NAA16: variants seen among roughly 807,000 people sequenced by gnomAD.
NAA16 encodes the protein NARG1-like protein.
NAA16 carries 97 observed loss-of-function variants against 110.3 expected under a neutral mutation model. The ratio of observed to expected loss-of-function variants is 0.88; its 90% CI spans 0.75 to 1.04. The LOEUF (loss-of-function observed/expected upper bound fraction) is 1.04. NAA16 is among the 50% of genes least tolerant of loss of function. The pLI is 0.00. For synonymous variants in NAA16, 372 were observed against 330.6 expected, an observed-to-expected ratio of 1.13 and a Z score of -1.36; for missense variants, 1,017 against 1,005.1, an observed-to-expected ratio of 1.01 and a Z score of -0.16.
chr13:41,328,742 T>C lies in NAA16; in HGVS notation c.710T>C (p.Leu237Ser). ...ATTTCAGGGGAAATACTGTTGAAATTGGGAAGATTAAAAGAAGCCAGTGAA... is the reference window on the plus strand; with the variant it reads ...ATTTCAGGGGAAATACTGTTGAAATCGGGAAGATTAAAAGAAGCCAGTGAA... The part of the protein sequence containing the change: ...EEIKGEILLK[L>S]GRLKEASEVF... The change falls in exon 7 of 20, where the codon TTG becomes TCG. Residue 237 changes from leucine to serine, a missense_variant. By Grantham distance (145) the Leu-to-Ser change is moderately radical. Transcript: ENST00000379406. The C allele has an allele frequency of 6.2e-7, 1 of 1,606,846 alleles. No homozygotes were observed. The highest frequency in any genetic ancestry group is 2.2e-5 in the East Asian group (1 of 44,716).
intron 19 of NAA16, 47 bp downstream of exon 19, chr13:41,374,886 CAA>C: frequency 4.4e-6 from 5 of 1,126,242 alleles, no homozygotes; most frequent in Non-Finnish European, 5.3e-6. Flanking sequence ...AGTGATCTAA[CAA>C]AACGTGTCTT....
intron 8 of NAA16, among the ~76,000 whole-genome samples, chr13:41,333,111 T>G (rs1235704421): frequency 2.0e-5 from 3 of 152,102 alleles, no homozygotes; most frequent in African/African-American, 4.8e-5. Context: ...TCTATAGGAC[T>G]TCTCAGAGCT....
chr13:41,366,154 A>G (rs1182374337), intron 13 of NAA16, among the ~76,000 whole-genome samples: 1 of 152,202 alleles, frequency 6.6e-6, no homozygotes, highest in African/African-American at 2.4e-5. Context: ...CAATTACAAC[A>G]TCATTAAAGC....
rs543509002 is a variant in NAA16 at position 41,353,943 on chromosome 13, A to G, written c.1015-1201A>G. Among the ~76,000 whole-genome samples, 6 of 152,364 alleles carry G rather than the reference A, an allele frequency of 3.9e-5. No individual in the cohort carries two copies. In the South Asian group the frequency reaches 1.2e-3, roughly 32 times the overall value. ...TTAAACAATCTTTGTTTTTTAAAAA[A>G]GAAAACACAAAGAATGTACCCATTT... On this transcript the variant is annotated intron_variant, in intron 9 of 19. Transcript: ENST00000379406.
chr13:41,325,775 G>T lies in NAA16; in HGVS notation c.615G>T (p.Leu205=). The T allele has an allele frequency of 6.2e-7, 1 of 1,606,364 alleles. No individual in the cohort carries two copies. Residue 205 remains leucine (L), a synonymous_variant, in exon 6 of 20, where the codon CTG becomes CTT. Transcript: ENST00000379406. ...YQNQVMREAD[L]LQESLEHIEM... ...ATCAAGTGATGAGAGAGGCAGATCT[G>T]TTGCAGGAATCTTTGGAACATATAG... is the stretch of plus-strand genomic sequence containing the variant.
Position 41,374,844 on chromosome 13 carries a change from GT to G in NAA16, c.2397+13del, listed in dbSNP as rs761494909. 3 of 1,575,544 alleles carry G rather than the reference GT, an allele frequency of 1.9e-6. No homozygotes were observed. Among genetic ancestry groups the G allele is most frequent in the Admixed American group, 1.8e-5 (1 of 56,366 alleles). On this transcript the variant is annotated splice_donor_region_variant and intron_variant, in intron 19 of 19. Coordinates refer to ENST00000379406, the MANE Select transcript of NAA16 (RefSeq NM_024561.5). ...ATAAAAGATAAAGATGTAAAGGTAAGTTTTTTTTCTTTGGCTGATTTATGCT... is the reference window on the plus strand; with the variant it reads ...ATAAAAGATAAAGATGTAAAGGTAAGTTTTTTTCTTTGGCTGATTTATGCT...
At chr13:41,368,693 A>G (rs924667926) in intron 14 of NAA16, among the ~76,000 whole-genome samples, 2 of 152,210 alleles carry the variant, frequency 1.3e-5, no homozygotes, top group Non-Finnish European at 2.9e-5. Context: ...TGTACTGAAC[A>G]TGTCCAGACT....
intron 1 of NAA16, among the ~76,000 whole-genome samples, chr13:41,313,924 A>G (rs963427763): frequency 6.6e-6 from 1 of 151,502 alleles, no homozygotes; most frequent in Non-Finnish European, 1.5e-5. Context: ...TGCAGTGGCA[A>G]GATCTCACTG....
chr13:41,322,916 A>G, intron 4 of NAA16, 140 bp from the exon 5 acceptor site: 1 of 804,362 alleles, frequency 1.2e-6, no homozygotes, highest in Non-Finnish European at 2.0e-6. Flanking sequence ...TAGGAAACAT[A>G]AAAAGTACTT....
At chr13:41,318,463 G>C (rs1016233438) in intron 2 of NAA16, among the ~76,000 whole-genome samples, 1 of 152,062 alleles carries the variant, frequency 6.6e-6, no homozygotes, top group African/African-American at 2.4e-5. Context: ...CAGCCTCCCT[G>C]AGTGCTGGGA....
rs1187153499 is a variant in NAA16, at chr13:41,369,298, ACTAT to A, written c.1947+18_1947+21del. The stretch of plus-strand genomic sequence containing the variant: ...AATTAGAAAGGGTGAGATGGGTTTT[ACTAT>A]CTTTGTTATTTGGTAAAATTTATGC... On this transcript the variant is annotated intron_variant, in intron 15 of 19. Transcript: ENST00000379406. The A allele has an allele frequency of 3.3e-6, 5 of 1,524,570 alleles. No homozygotes were observed. Among genetic ancestry groups the A allele is most frequent in the Non-Finnish European group, 4.4e-6 (5 of 1,144,410 alleles). 94.4% of individuals were successfully genotyped at this position (1,524,570 alleles called of 1,614,324 possible). A position where few individuals can be genotyped will look rare whatever the true frequency, so the allele number is the denominator to read the frequency against.
intron 5 of NAA16, 35 bp downstream of exon 5, chr13:41,323,225 A>G (rs761681078): frequency 3.1e-6 from 5 of 1,604,408 alleles, no homozygotes; most frequent in Non-Finnish European, 4.3e-6. Context: ...ACCTTCATAA[A>G]TGGAGTAGTT....
intron 10 of NAA16, 79 bp downstream of exon 10, chr13:41,355,295 A>T: frequency 1.2e-6 from 1 of 852,846 alleles, no homozygotes; most frequent in Non-Finnish European, 1.9e-6. Context: ...TATGTATATT[A>T]TGTGTGTGCT....
chr13:41,357,006 G>C (rs2043003826), intron 10 of NAA16, among the ~76,000 whole-genome samples: 1 of 152,152 alleles, frequency 6.6e-6, no homozygotes, highest in Non-Finnish European at 1.5e-5. Context: ...TTGTCAGCCT[G>C]TTATACTCAT....
At chr13:41,359,873 T>C (rs1226101066) in intron 12 of NAA16, among the ~76,000 whole-genome samples, 1 of 152,146 alleles carries the variant, frequency 6.6e-6, no homozygotes, top group Non-Finnish European at 1.5e-5. Context: ...GAAGAAAATA[T>C]ATAGGAGTTT....
intron 10 of NAA16, among the ~76,000 whole-genome samples, chr13:41,358,031 A>C (rs1037672554): frequency 6.6e-6 from 1 of 152,072 alleles, no homozygotes; most frequent in Non-Finnish European, 1.5e-5. Flanking sequence ...GAGTTCACAG[A>C]ATTAGTTTGA....
chr13:41,337,183 A>G (rs1200898435), intron 9 of NAA16, among the ~76,000 whole-genome samples: 1 of 152,226 alleles, frequency 6.6e-6, no homozygotes, highest in Non-Finnish European at 1.5e-5. Flanking sequence ...TTTAATCAGT[A>G]GGCTACATTT....
chr13:41,375,414 AAG>A lies in NAA16; in HGVS notation c.2408_2409del (p.Lys803SerfsTer3). The A allele has an allele frequency of 6.2e-7, 1 of 1,610,566 alleles. No homozygotes were observed. Among genetic ancestry groups the A allele is most frequent in the Non-Finnish European group, 8.5e-7 (1 of 1,177,798 alleles). On this transcript the variant is annotated frameshift_variant, in exon 20 of 20. Transcript: ENST00000379406. LOFTEE classifies it low-confidence loss of function (END_TRUNC). ...CCTTTTGTTTCACTAGACATTAATA[AAG>A]GTTTCTGAAGCACTGCTTGATGGCA... is the stretch of plus-strand genomic sequence containing the variant. ...IKDKDVKTLI[K>X]VSEALLDGSF...
chr13:41,330,810 T>A (rs2139413072), intron 7 of NAA16, among the ~76,000 whole-genome samples: 1 of 152,224 alleles, frequency 6.6e-6, no homozygotes, highest in Admixed American at 6.5e-5. Flanking sequence ...TTTATCTTCT[T>A]ATATTTTAAA....
Sources: gnomAD v4.1 joint callset for allele counts (sites outside exome capture counted in the v4.1 genomes callset) on GRCh38, gnomAD v4.1.1 for gene constraint, MANE v1.5 for transcripts, NCBI Gene and HGNC (gene_info 2026-07-23, HGNC 2026-07-21) for gene names.